TMCO4: variants seen among roughly 807,000 people sequenced by gnomAD.
The protein encoded by TMCO4 is transmembrane and coiled-coil domain-containing protein 4.
In TMCO4, 58 loss-of-function variants were observed where a neutral mutation model predicts 64.7. The ratio of observed to expected loss-of-function variants is 0.90; its 90% CI spans 0.73 to 1.12. TMCO4 has a LOEUF of 1.12. Ranked by LOEUF, TMCO4 falls within the 50% of genes most tolerant of loss-of-function variation. TMCO4 has a pLI of 0.00. For missense variants in TMCO4, 780 were observed against 825.9 expected (o/e 0.94, Z 0.68); for synonymous variants, 325 against 346.1 (o/e 0.94, Z 0.68).
intron 6 of TMCO4, among the ~76,000 whole-genome samples, chr1:19,760,163 TC>T (rs919141819): frequency 6.6e-6 from 1 of 151,900 alleles, no homozygotes; most frequent in Admixed American, 6.6e-5. Context: ...TGTCATATAG[TC>T]TTTTTTTTTT....
intron 13 of TMCO4, among the ~76,000 whole-genome samples, chr1:19,718,890 A>T (rs1472440298): frequency 6.6e-6 from 1 of 152,064 alleles, no homozygotes; most frequent in East Asian, 1.9e-4. Context: ...CATGCTTCCC[A>T]TTGCTCCCTG....
At chr1:19,704,930 C>T (rs2095294339) in intron 13 of TMCO4, among the ~76,000 whole-genome samples, 1 of 152,144 alleles carries the variant, frequency 6.6e-6, no homozygotes, top group African/African-American at 2.4e-5. Flanking sequence ...TAGCTGGGAC[C>T]CTCCCCCTTT....
chr1:19,778,057 CA>C lies in TMCO4; in HGVS notation c.179+2522del, dbSNP rs568219024. On this transcript the variant is annotated intron_variant, in intron 4 of 15. Transcript: ENST00000294543. ...CTCTAAAAAACAAAAATTAAACAAC[CA>C]AAAAACCACAAAAATATCCTAAGTG... is the stretch of plus-strand genomic sequence containing the variant. Among the ~76,000 whole-genome samples the C allele has an allele frequency of 1.0e-3, 152 of 151,982 alleles. 1 individual carries two copies. Among genetic ancestry groups the C allele is most frequent in the South Asian group, 9.2e-3 (44 of 4,806 alleles).
At chr1:19,711,639 C>A (rs928834196) in intron 13 of TMCO4, among the ~76,000 whole-genome samples, 2 of 151,910 alleles carry the variant, frequency 1.3e-5, no homozygotes, top group African/African-American at 4.8e-5. Flanking sequence ...CAGACACACA[C>A]CACCATGCTG....
intron 4 of TMCO4, among the ~76,000 whole-genome samples, chr1:19,778,192 A>G (rs537564909): frequency 6.6e-6 from 1 of 152,288 alleles, no homozygotes; most frequent in Non-Finnish European, 1.5e-5. Context: ...TTGAGTGCCT[A>G]CTATGTGCTA....
In TMCO4 at chr1:19,746,579, C is replaced by T. The variant is rs749681130; in HGVS notation, c.634G>A (p.Ala212Thr). 6.8e-6 allele frequency: 11 copies of T among 1,610,398 alleles called. No individual in the cohort carries two copies. The highest frequency in any genetic ancestry group is 3.3e-4 in the Middle Eastern group (2 of 6,074). Residue 212 changes from alanine (A) to threonine (T), a missense_variant, in exon 9 of 16, where the codon GCA (alanine) becomes ACA (threonine). By Grantham distance (58) the Ala-to-Thr change is moderately conservative. Coordinates refer to ENST00000294543, the MANE Select transcript of TMCO4 (RefSeq NM_181719.7). ...TVIGVTGGLA[A>T]PLVAAGAATI... ...GCTGCTCCAGCGGCAACAAGGGGTGCAGCTAGACCTCCAGTCACACCTGTG... is the reference window on the plus strand; with the variant it reads ...GCTGCTCCAGCGGCAACAAGGGGTGTAGCTAGACCTCCAGTCACACCTGTG...
intron 14 of TMCO4, among the ~76,000 whole-genome samples, chr1:19,694,859 A>T (rs1316777293): frequency 6.6e-6 from 1 of 152,218 alleles, no homozygotes; most frequent in Non-Finnish European, 1.5e-5. Context: ...CAATAGAGGA[A>T]TATCTGCTGA....
chr1:19,784,908 T>C (rs978358227), intron 3 of TMCO4, among the ~76,000 whole-genome samples: 1 of 150,650 alleles, frequency 6.6e-6, no homozygotes, highest in Non-Finnish European at 1.5e-5. Context: ...AGAAAGTCTA[T>C]GAATTTGTGT....
chr1:19,765,881 C>A (rs1333578072), intron 6 of TMCO4, among the ~76,000 whole-genome samples: 2 of 152,158 alleles, frequency 1.3e-5, no homozygotes, highest in Non-Finnish European at 2.9e-5. Flanking sequence ...CGTCTCACAC[C>A]CAGGGAGAAA....
intron 9 of TMCO4, 50 bp from the exon 10 acceptor site, chr1:19,745,701 G>T: frequency 6.4e-7 from 1 of 1,560,102 alleles, no homozygotes; most frequent in Non-Finnish European, 8.7e-7. Context: ...GGGCCCCGGG[G>T]AACATCAGGG....
At chr1:19,770,513 C>A in intron 6 of TMCO4, 29 bp downstream of exon 6, 1 of 1,613,564 alleles carries the variant, frequency 6.2e-7, no homozygotes, top group Non-Finnish European at 8.5e-7. Context: ...GGGTACCCAC[C>A]ATTTACAGAG....
intron 4 of TMCO4, among the ~76,000 whole-genome samples, chr1:19,776,679 C>G (rs1322736746): frequency 6.6e-6 from 1 of 152,146 alleles, no homozygotes; most frequent in African/African-American, 2.4e-5. Context: ...AACAGTAATT[C>G]CCCAGCCCCT....
At chr1:19,742,404 C>CT (rs756795724) in intron 10 of TMCO4, among the ~76,000 whole-genome samples, 3 of 152,186 alleles carry the variant, frequency 2.0e-5, no homozygotes, top group Non-Finnish European at 4.4e-5. Flanking sequence ...CCGGGGCAGC[C>CT]TGCAGGTTCT....
At chr1:19,778,848 G>A (rs1333761708) in intron 4 of TMCO4, among the ~76,000 whole-genome samples, 2 of 152,206 alleles carry the variant, frequency 1.3e-5, no homozygotes, top group Non-Finnish European at 2.9e-5. Context: ...ACTCTGAGAT[G>A]AACAAGGTAG....
chr1:19,797,925 A>C, intron 2 of TMCO4: 1 of 139,522 alleles, frequency 7.2e-6, no homozygotes, highest in African/African-American at 3.0e-5. Flanking sequence ...GGAGGGAGGG[A>C]GGGAGAGAGA....
At chr1:19,742,830 T>C (rs1025949252) in intron 10 of TMCO4, among the ~76,000 whole-genome samples, 1 of 152,062 alleles carries the variant, frequency 6.6e-6, no homozygotes, top group Non-Finnish European at 1.5e-5. Flanking sequence ...GGCGGGTGGA[T>C]CATGAGGTGA....
chr1:19,704,365 G>C (rs963887462), intron 13 of TMCO4, among the ~76,000 whole-genome samples: 22 of 152,330 alleles, frequency 1.4e-4, no homozygotes, highest in African/African-American at 5.3e-4. Flanking sequence ...AGATCAACGC[G>C]ATTTCCCTTG....
intron 13 of TMCO4, among the ~76,000 whole-genome samples, chr1:19,705,053 T>C (rs534175782): frequency 6.6e-6 from 1 of 152,216 alleles, no homozygotes; most frequent in Admixed American, 6.5e-5. Context: ...CAATGCATGG[T>C]GTTAGCTAAG....
rs529606896 is a variant in TMCO4 at position 19,682,906 on chromosome 1, A to G, written c.*134T>C. ...CTTCCTTCCATTTCCTTTCCCTTTC[A>G]GTTCCAATTCCTTCCATTTAGGAAA... On this transcript the variant is annotated 3_prime_UTR_variant, in exon 16 of 16. Transcript: ENST00000294543. 2.5e-6 allele frequency: 3 copies of G among 1,224,234 alleles called. No homozygotes were observed. In the African/African-American group the frequency reaches 4.5e-5, roughly 19 times the overall value. 75.8% of individuals were successfully genotyped at this position (1,224,234 alleles called of 1,614,324 possible). A position where few individuals can be genotyped will look rare whatever the true frequency, so the allele number is the denominator to read the frequency against.
Sources: allele counts gnomAD v4.1 joint callset (sites outside exome capture counted in the v4.1 genomes callset), GRCh38; gene constraint gnomAD v4.1.1; transcripts MANE v1.5; gene names NCBI Gene and HGNC (gene_info 2026-07-23, HGNC 2026-07-21).